ADORA2B: variants seen among roughly 807,000 people sequenced by gnomAD.
ADORA2B encodes adenosine receptor A2b.
In ADORA2B, 18 loss-of-function variants were observed where a neutral mutation model predicts 20.8. The ratio of observed to expected loss-of-function variants is 0.87; its 90% CI spans 0.60 to 1.29. The LOEUF (loss-of-function observed/expected upper bound fraction) is 1.29, where lower values mean the gene tolerates loss of function less well. Among genes scored for constraint, ADORA2B ranks in the 50% most tolerant of loss-of-function variants. The pLI is 0.00. For missense variants in ADORA2B, 441 were observed against 422.7 expected (o/e 1.04, Z -0.38); for synonymous variants, 179 against 178.3 (o/e 1.00, Z -0.03).
the ADORA2B span, among the ~76,000 whole-genome samples, chr17:15,862,017 G>T: frequency 0.32 from 48,409 of 150,584 alleles, 8,382 homozygotes; most frequent in African/African-American, 0.45. Context: ...CTTAGCAATA[G>T]TGCACAAGCA....
chr17:15,897,583 C>T, the ADORA2B span, among the ~76,000 whole-genome samples: 1 of 151,824 alleles, frequency 6.6e-6, no homozygotes, highest in Non-Finnish European at 1.5e-5. Context: ...CAAAACAAAA[C>T]CCCCCCACAA....
At chr17:15,875,383 A>G in the ADORA2B span, among the ~76,000 whole-genome samples, 2 of 152,116 alleles carry the variant, frequency 1.3e-5, no homozygotes, top group Admixed American at 1.3e-4. Flanking sequence ...AAAGATGAGG[A>G]TTTCTTTTCA....
chr17:15,910,758 C>T, the ADORA2B span, among the ~76,000 whole-genome samples: 3 of 152,168 alleles, frequency 2.0e-5, no homozygotes, highest in Non-Finnish European at 4.4e-5. Flanking sequence ...AGGTTCAGCC[C>T]CTTCCCATAC....
intron 1 of ADORA2B, among the ~76,000 whole-genome samples, chr17:15,962,522 A>T (rs1209755643): frequency 6.6e-6 from 1 of 151,226 alleles, no homozygotes; most frequent in Non-Finnish European, 1.5e-5. Context: ...TTATTTATTT[A>T]TTTATTTTTA....
the ADORA2B span, among the ~76,000 whole-genome samples, chr17:15,921,108 C>G: frequency 6.6e-6 from 1 of 152,252 alleles, no homozygotes; most frequent in Non-Finnish European, 1.5e-5. Context: ...GTTTTATCAT[C>G]CATCTCCCCA....
At position 15,974,958 on chromosome 17, in the gene ADORA2B, C is replaced by A; in HGVS notation, c.615C>A (p.Ile205=). ...TAATGCTGGTGATCTACATTAAGAT[C>A]TTCCTGGTGGCCTGCAGGCAGCTTC... ...LLIMLVIYIK[I]FLVACRQLQR... is the part of the protein sequence containing the mutation. Residue 205 remains isoleucine (I), a synonymous_variant, in exon 2 of 2, where the codon ATC becomes ATA. Coordinates refer to ENST00000304222, the MANE Select transcript of ADORA2B (RefSeq NM_000676.4). 1 of 1,614,168 alleles carries A rather than the reference C, an allele frequency of 6.2e-7. No individual in the cohort carries two copies. Among genetic ancestry groups the A allele is most frequent in the Non-Finnish European group, 8.5e-7 (1 of 1,180,036 alleles).
intron 1 of ADORA2B, among the ~76,000 whole-genome samples, chr17:15,950,111 C>T (rs1969878093): frequency 6.6e-6 from 1 of 152,222 alleles, no homozygotes; most frequent in Non-Finnish European, 1.5e-5. Flanking sequence ...ACAAATACTG[C>T]TTTCTGTGGA....
the ADORA2B span, among the ~76,000 whole-genome samples, chr17:15,854,781 T>C: frequency 1.3e-5 from 2 of 152,218 alleles, no homozygotes; most frequent in Admixed American, 6.5e-5. Flanking sequence ...TACCAGGATA[T>C]TCGTTTCCTA....
At chr17:15,879,131 C>T in the ADORA2B span, among the ~76,000 whole-genome samples, 2 of 152,054 alleles carry the variant, frequency 1.3e-5, no homozygotes, top group Non-Finnish European at 2.9e-5. Context: ...GCTCTAAAAT[C>T]CTGTATCATC....
the ADORA2B span, among the ~76,000 whole-genome samples, chr17:15,876,442 C>G: frequency 8.7e-6 from 1 of 115,480 alleles, no homozygotes; most frequent in Non-Finnish European, 1.7e-5. Context: ...TCTTTCTTTT[C>G]TTTTTTCTTT....
chr17:15,929,106 G>T, the ADORA2B span, among the ~76,000 whole-genome samples: 1 of 152,164 alleles, frequency 6.6e-6, no homozygotes, highest in African/African-American at 2.4e-5. Flanking sequence ...ACTTCTAGCA[G>T]AGTGAGAGAG....
At chr17:15,908,494 T>C in the ADORA2B span, 47,573 of 157,146 alleles carry the variant, frequency 0.3, 7,631 homozygotes, top group African/African-American at 0.4. Context: ...GGGAAGGGTC[T>C]GTAATGTCCT....
At chr17:15,956,017 G>A (rs1969961818) in intron 1 of ADORA2B, among the ~76,000 whole-genome samples, 2 of 152,210 alleles carry the variant, frequency 1.3e-5, no homozygotes, top group South Asian at 4.1e-4. Flanking sequence ...ACGCCTCTGG[G>A]ATTCTTAATA....
chr17:15,921,101 T>C, the ADORA2B span, among the ~76,000 whole-genome samples: 2 of 152,220 alleles, frequency 1.3e-5, no homozygotes, highest in Admixed American at 1.3e-4. Context: ...CGTGTGAGTT[T>C]TATCATCCAT....
At chr17:15,876,189 A>G in the ADORA2B span, among the ~76,000 whole-genome samples, 955 of 152,176 alleles carry the variant, frequency 6.3e-3, 6 homozygotes, top group Middle Eastern at 0.027. Flanking sequence ...GTTTTACCCT[A>G]ATGCTTGATG....
the ADORA2B span, among the ~76,000 whole-genome samples, chr17:15,857,998 C>G: frequency 7.0e-6 from 1 of 142,638 alleles, no homozygotes; most frequent in African/African-American, 2.5e-5. Context: ...TTTTCTTCAT[C>G]CATTCATCTG....
chr17:15,974,751 C>T lies in ADORA2B; in HGVS notation c.408C>T (p.Ile136=), dbSNP rs757357812. 3.1e-6 allele frequency: 5 copies of T among 1,614,134 alleles called. No homozygotes were observed. The highest frequency in any genetic ancestry group is 3.4e-6 in the Non-Finnish European group (4 of 1,180,022). The change falls in exon 2 of 2, where the codon ATC becomes ATT. Residue 136 remains isoleucine (I), a synonymous_variant. Coordinates refer to ENST00000304222, the MANE Select transcript of ADORA2B (RefSeq NM_000676.4). ...IAVLWVLAFG[I]GLTPFLGWNS... is the part of the protein sequence containing the mutation. The stretch of plus-strand genomic sequence containing the variant: ...TCCTCTGGGTCCTTGCCTTTGGCAT[C>T]GGATTGACTCCATTCCTGGGGTGGA...
chr17:15,932,048 T>G, the ADORA2B span, among the ~76,000 whole-genome samples: 1 of 152,182 alleles, frequency 6.6e-6, no homozygotes. Context: ...TAGACTTTTA[T>G]TAGATATATG....
chr17:15,948,284 G>A (rs1969839391), intron 1 of ADORA2B, among the ~76,000 whole-genome samples: 1 of 152,240 alleles, frequency 6.6e-6, no homozygotes, highest in African/African-American at 2.4e-5. Context: ...GAATGCCAGG[G>A]ACAAATATGA....
Sources: gnomAD v4.1 joint callset for allele counts (sites outside exome capture counted in the v4.1 genomes callset) on GRCh38, gnomAD v4.1.1 for gene constraint, MANE v1.5 for transcripts, NCBI Gene and HGNC (gene_info 2026-07-23, HGNC 2026-07-21) for gene names.